HVCN1: variants seen among roughly 807,000 people sequenced by gnomAD.
HVCN1 encodes the protein hydrogen voltage gated channel 1, also known as voltage-gated hydrogen channel 1.
In HVCN1, 14 loss-of-function variants were observed where a neutral mutation model predicts 29.2. That is an observed-to-expected ratio of 0.48 (90% CI 0.32 to 0.75). The LOEUF is 0.75. Ranked by LOEUF, HVCN1 falls within the 30% of genes least tolerant of loss-of-function variation. The pLI, the probability that HVCN1 is intolerant of heterozygous loss-of-function variation, is 0.04. For missense variants in HVCN1, 263 were observed against 341.8 expected (o/e 0.77, Z 1.82); for synonymous variants, 131 against 133.2 (o/e 0.98, Z 0.11).
In HVCN1 at chr12:110,676,759, AC is replaced by A; in HGVS notation, c.21+6465del. Among the ~76,000 whole-genome samples, 1 of 151,860 alleles carries A rather than the reference AC, an allele frequency of 6.6e-6. No individual in the cohort carries two copies. The highest frequency in any genetic ancestry group is 2.4e-5 in the African/African-American group (1 of 41,382). On this transcript the variant is annotated intron_variant, in intron 3 of 7. Coordinates refer to ENST00000242607, the MANE Select transcript of HVCN1 (RefSeq NM_032369.4). This position sits in a 1 kb window ranked among gnomAD's most constrained non-coding sequence, Gnocchi z 4.1. ...TTGTGCCAGGTTTTTTCTGAACTTCACCCCACGTGCCTTTTCCCTTTACTGA... is the reference window on the plus strand; with the variant it reads ...TTGTGCCAGGTTTTTTCTGAACTTCACCCACGTGCCTTTTCCCTTTACTGA...
In HVCN1 at chr12:110,658,477, C is replaced by T. The variant is rs550071806; in HGVS notation, c.306+2687G>A. ...CTTGCCAATTGCCTGCTGGCAACAC[C>T]CATACCCGATCCACGTGCGCCCTTC... On this transcript the variant is annotated intron_variant, in intron 4 of 7. Coordinates refer to ENST00000242607, the MANE Select transcript of HVCN1 (RefSeq NM_032369.4). This position sits in a 1 kb window ranked among gnomAD's most constrained non-coding sequence, Gnocchi z 5.0. Among the ~76,000 whole-genome samples, 1 of 152,254 alleles carries T rather than the reference C, an allele frequency of 6.6e-6. No individual in the cohort carries two copies. Among genetic ancestry groups the T allele is most frequent in the African/African-American group, 2.4e-5 (1 of 41,542 alleles).
intron 3 of HVCN1, among the ~76,000 whole-genome samples, chr12:110,668,975 G>C (rs1341020319): frequency 6.6e-6 from 1 of 151,534 alleles, no homozygotes; most frequent in Admixed American, 6.6e-5. Flanking sequence ...CCTCAGCCTT[G>C]ACCCTGTCCT....
chr12:110,664,143 C>T (rs888582882), intron 3 of HVCN1, among the ~76,000 whole-genome samples: 2 of 152,140 alleles, frequency 1.3e-5, no homozygotes, highest in African/African-American at 4.8e-5. Context: ...TGGTCTTAAA[C>T]TCCTAGGCTA....
At chr12:110,664,071 C>T (rs898075905) in intron 3 of HVCN1, among the ~76,000 whole-genome samples, 1 of 152,134 alleles carries the variant, frequency 6.6e-6, no homozygotes. Flanking sequence ...CACACTATAA[C>T]GTGTCTGGCT....
At chr12:110,703,198 T>C (rs1259346962) in intron 1 of HVCN1, among the ~76,000 whole-genome samples, 1 of 131,756 alleles carries the variant, frequency 7.6e-6, no homozygotes, top group East Asian at 2.1e-4. Flanking sequence ...AGTAAGGTCA[T>C]GTCTCTACCA....
chr12:110,675,279 G>C (rs1457958302), intron 3 of HVCN1, among the ~76,000 whole-genome samples: 1 of 151,818 alleles, frequency 6.6e-6, no homozygotes, highest in East Asian at 1.9e-4. Context: ...ACCAACGTGG[G>C]GAAACCCCGT....
At chr12:110,650,954 C>A (rs1187351308) in intron 6 of HVCN1, among the ~76,000 whole-genome samples, 1 of 152,156 alleles carries the variant, frequency 6.6e-6, no homozygotes, top group Non-Finnish European at 1.5e-5. Context: ...CCTGACTCAG[C>A]CTCCCAAAGT....
intron 3 of HVCN1, among the ~76,000 whole-genome samples, chr12:110,678,204 C>A (rs1021500811): frequency 1.3e-5 from 2 of 152,164 alleles, no homozygotes; most frequent in Non-Finnish European, 2.9e-5. Flanking sequence ...ACCCAGGCTG[C>A]CAAGCCCAGC....
chr12:110,704,000 T>A (rs956160063), intron 1 of HVCN1, among the ~76,000 whole-genome samples: 11 of 152,186 alleles, frequency 7.2e-5, no homozygotes, highest in Admixed American at 3.9e-4. Context: ...TTCTCTTTTT[T>A]AAAATGTATT....
At chr12:110,685,677 T>G (rs868713496) in intron 2 of HVCN1, among the ~76,000 whole-genome samples, 31 of 152,094 alleles carry the variant, frequency 2.0e-4, no homozygotes, top group African/African-American at 6.3e-4. Context: ...ACACCCTTTT[T>G]TTTTTGTTGT....
At chr12:110,690,161 C>T (rs774073611), upstream of HVCN1, among the ~76,000 whole-genome samples, 33 of 152,188 alleles carry the variant, frequency 2.2e-4, no homozygotes, top group Non-Finnish European at 4.3e-4. Flanking sequence ...TTGCTTTTCC[C>T]GGCTGGAGAG....
chr12:110,683,195 C>G lies in HVCN1; in HGVS notation c.21+30G>C, dbSNP rs375310264. 34 of 1,613,854 alleles carry G rather than the reference C, an allele frequency of 2.1e-5. No homozygotes were observed. In the African/African-American group the frequency reaches 3.1e-4, roughly 15 times the overall value. ...TATCCTCTCAAGGCTGGGATATCCTCTAATGCTGCAAGACCACAGAATCCA... is the reference window on the plus strand; with the variant it reads ...TATCCTCTCAAGGCTGGGATATCCTGTAATGCTGCAAGACCACAGAATCCA... On this transcript the variant is annotated intron_variant, in intron 3 of 7. Coordinates refer to ENST00000242607, the MANE Select transcript of HVCN1 (RefSeq NM_032369.4).
At chr12:110,672,950 G>A (rs1237471149) in intron 3 of HVCN1, among the ~76,000 whole-genome samples, 1 of 152,148 alleles carries the variant, frequency 6.6e-6, no homozygotes, top group Non-Finnish European at 1.5e-5. Context: ...TATCAGCAGT[G>A]TGAAAACTAA....
intron 3 of HVCN1, among the ~76,000 whole-genome samples, chr12:110,666,295 C>T (rs1040180342): frequency 4.1e-5 from 6 of 147,126 alleles, no homozygotes; most frequent in Non-Finnish European, 7.5e-5. Context: ...TAGTGGCCAG[C>T]GCCTGTAGTC....
chr12:110,651,457 G>A lies in HVCN1; in HGVS notation c.412-9C>T. 2 of 1,582,934 alleles carry A rather than the reference G, an allele frequency of 1.3e-6. No individual in the cohort carries two copies. The highest frequency in any genetic ancestry group is 1.7e-6 in the Non-Finnish European group (2 of 1,151,810). On this transcript the variant is annotated splice_polypyrimidine_tract_variant and intron_variant, in intron 5 of 7. Coordinates refer to ENST00000242607, the MANE Select transcript of HVCN1 (RefSeq NM_032369.4). ...CTCATGTAGTGGAATACCTGAAGGGGACAAGGAACCACAGTCAGGGGAGAT... is the reference window on the plus strand; with the variant it reads ...CTCATGTAGTGGAATACCTGAAGGGAACAAGGAACCACAGTCAGGGGAGAT...
intron 7 of HVCN1, among the ~76,000 whole-genome samples, chr12:110,649,938 CG>C (rs1460023520): frequency 2.6e-5 from 4 of 152,190 alleles, no homozygotes; most frequent in Admixed American, 2.6e-4. Flanking sequence ...CTCCACCTCC[CG>C]GGTTCAAGCA....
intron 3 of HVCN1, among the ~76,000 whole-genome samples, chr12:110,681,351 T>C (rs558100660): frequency 1.3e-5 from 2 of 152,324 alleles, no homozygotes; most frequent in African/African-American, 4.8e-5. Context: ...GGCTTGAATA[T>C]GGATATTTTC....
chr12:110,691,137 A>G (rs1012880958), upstream of HVCN1, among the ~76,000 whole-genome samples: 26 of 151,646 alleles, frequency 1.7e-4, no homozygotes, highest in Non-Finnish European at 3.7e-4. Flanking sequence ...ACCTCGGCTC[A>G]CTGCAAGCTC....
intron 3 of HVCN1, among the ~76,000 whole-genome samples, chr12:110,667,341 C>A (rs1315702819): frequency 6.6e-6 from 1 of 152,172 alleles, no homozygotes; most frequent in African/African-American, 2.4e-5. Context: ...ACCATGTTGG[C>A]CAAGCTGGTC....
Sources: allele counts gnomAD v4.1 joint callset (sites outside exome capture counted in the v4.1 genomes callset), GRCh38; gene constraint gnomAD v4.1.1; non-coding constraint Gnocchi (gnomAD v3.1); transcripts MANE v1.5; gene names NCBI Gene and HGNC (gene_info 2026-07-23, HGNC 2026-07-21).